Variants in BTBD9 observed in about 807,000 individuals in gnomAD.
The protein encoded by BTBD9 is BTB domain containing 9, also known as BTB/POZ domain-containing protein 9.
A neutral mutation model predicts 64.3 loss-of-function variants in BTBD9; 49 were observed. The ratio of observed to expected loss-of-function variants is 0.76; its 90% confidence interval spans 0.61 to 0.97. BTBD9 has a LOEUF of 0.97. Among genes scored for constraint, BTBD9 ranks in the 50% least tolerant of loss-of-function variants. The probability of loss-of-function intolerance (pLI) is 0.00; values close to 1 mark genes in which losing one functional copy is unlikely to be tolerated. For synonymous variants in BTBD9, 260 were observed against 274.7 expected (o/e 0.95, Z 0.53); for missense variants, 598 against 762.1 (o/e 0.78, Z 2.53).
intron 6 of BTBD9, among the ~76,000 whole-genome samples, chr6:38,428,381 C>T (rs557966296): frequency 2.6e-5 from 4 of 151,920 alleles, no homozygotes; most frequent in African/African-American, 9.7e-5. Flanking sequence ...AGCACTTGCT[C>T]TATTAATGCC....
chr6:38,546,020 G>A (rs1774540148), intron 6 of BTBD9, among the ~76,000 whole-genome samples: 1 of 152,100 alleles, frequency 6.6e-6, no homozygotes, highest in Admixed American at 6.5e-5. Flanking sequence ...GTAGTAGCTA[G>A]TGGATATGGT....
At chr6:38,399,836 C>G (rs1254670596) in intron 6 of BTBD9, among the ~76,000 whole-genome samples, 1 of 152,142 alleles carries the variant, frequency 6.6e-6, no homozygotes, top group Non-Finnish European at 1.5e-5. Flanking sequence ...ACCACAACCT[C>G]CGCCTCCCGG....
At chr6:38,542,320 C>G (rs1189786146) in intron 6 of BTBD9, among the ~76,000 whole-genome samples, 2 of 152,126 alleles carry the variant, frequency 1.3e-5, no homozygotes, top group African/African-American at 4.8e-5. Context: ...TTCCTGGTTT[C>G]TGTATCTCAG....
At chr6:38,632,057 G>T (rs1778383189) in intron 1 of BTBD9, among the ~76,000 whole-genome samples, 1 of 152,176 alleles carries the variant, frequency 6.6e-6, no homozygotes, top group African/African-American at 2.4e-5. Context: ...GAACCCAGGG[G>T]GCGGAGGTTG....
intron 6 of BTBD9, among the ~76,000 whole-genome samples, chr6:38,384,898 G>C (rs1005271603): frequency 1.3e-5 from 2 of 151,944 alleles, no homozygotes; most frequent in African/African-American, 4.8e-5. Context: ...TCCAGTGTTA[G>C]TGTAGGAATA....
chr6:38,279,257 T>G (rs961648237), intron 8 of BTBD9, among the ~76,000 whole-genome samples: 1 of 152,046 alleles, frequency 6.6e-6, no homozygotes, highest in Non-Finnish European at 1.5e-5. Flanking sequence ...TGGTTACCAA[T>G]GTAAGGGGCT....
At chr6:38,284,759 A>C (rs1172937543) in intron 8 of BTBD9, among the ~76,000 whole-genome samples, 1 of 152,226 alleles carries the variant, frequency 6.6e-6, no homozygotes, top group Non-Finnish European at 1.5e-5. Context: ...TCTATCAATA[A>C]GTTCAGGAGA....
intron 1 of BTBD9, among the ~76,000 whole-genome samples, chr6:38,618,181 C>T (rs889819118): frequency 6.6e-6 from 1 of 152,204 alleles, no homozygotes; most frequent in Non-Finnish European, 1.5e-5. Flanking sequence ...CCTTGAAATG[C>T]ATCCTAAGCC....
chr6:38,345,623 C>A (rs6917497), intron 6 of BTBD9, among the ~76,000 whole-genome samples: 4,110 of 152,294 alleles, frequency 0.027, 173 homozygotes, highest in African/African-American at 0.093. Context: ...TACTACTGCT[C>A]CTAAATCTTT....
At chr6:38,323,995 C>G (rs1238938512) in intron 7 of BTBD9, among the ~76,000 whole-genome samples, 5 of 151,994 alleles carry the variant, frequency 3.3e-5, no homozygotes. Flanking sequence ...CCCAGCTACT[C>G]AGAAGGCTGA....
rs569706275 is a variant in BTBD9 at position 38,418,328 on chromosome 6, T to C, written c.1155-73235A>G. Among the ~76,000 whole-genome samples, 74 of 152,334 alleles carry C rather than the reference T, an allele frequency of 4.9e-4. 1 individual carries two copies. The highest frequency in any genetic ancestry group is 4.2e-3 in the Admixed American group (65 of 15,298). ...GCCTAATTGTATGTAAGGCTATCCT[T>C]TCACAAATCAGACAGTCTGGACTTA... is the stretch of plus-strand genomic sequence containing the variant. On this transcript the variant is annotated intron_variant, in intron 6 of 10. Transcript: ENST00000481247.
chr6:38,397,343 A>T (rs976570269), intron 6 of BTBD9, among the ~76,000 whole-genome samples: 1 of 152,234 alleles, frequency 6.6e-6, no homozygotes, highest in Non-Finnish European at 1.5e-5. Flanking sequence ...AGTTATTGCA[A>T]TGGAGATGTA....
intron 6 of BTBD9, among the ~76,000 whole-genome samples, chr6:38,574,386 T>TTA: frequency 6.6e-6 from 1 of 152,272 alleles, no homozygotes; most frequent in African/African-American, 2.4e-5. Flanking sequence ...GTTGTTAAGA[T>TTA]AAAACTGTTT....
chr6:38,465,010 T>C (rs1017314932), intron 6 of BTBD9, among the ~76,000 whole-genome samples: 1 of 152,196 alleles, frequency 6.6e-6, no homozygotes, highest in Non-Finnish European at 1.5e-5. Flanking sequence ...TAGCTTTAAA[T>C]TCAATTTCTT....
rs1766666548 is a variant in BTBD9, at chr6:38,169,637, G to A, written c.*5348C>T. On this transcript the variant is annotated 3_prime_UTR_variant, in exon 11 of 11. Coordinates refer to ENST00000481247, the MANE Select transcript of BTBD9 (RefSeq NM_001099272.2). ...GAGCGACTGTCCACTGGCTTTCAAAGGCGGCACTCCTCAGCTGTCACAGCC... is the reference window on the plus strand; with the variant it reads ...GAGCGACTGTCCACTGGCTTTCAAAAGCGGCACTCCTCAGCTGTCACAGCC... 6.6e-6 allele frequency: 1 copy of A among 152,226 alleles called. No homozygotes were observed. Among genetic ancestry groups the A allele is most frequent in the Non-Finnish European group, 1.5e-5 (1 of 68,090 alleles). 9.4% of individuals were successfully genotyped at this position (152,226 alleles called of 1,614,324 possible).
At chr6:38,619,676 G>C (rs1057195582) in intron 1 of BTBD9, among the ~76,000 whole-genome samples, 1 of 152,086 alleles carries the variant, frequency 6.6e-6, no homozygotes, top group Non-Finnish European at 1.5e-5. Context: ...AATCATTGAG[G>C]GCCAGGAAAT....
intron 7 of BTBD9, among the ~76,000 whole-genome samples, chr6:38,324,348 T>A (rs144239891): frequency 6.6e-6 from 1 of 152,196 alleles, no homozygotes; most frequent in African/African-American, 2.4e-5. Flanking sequence ...TAATTACTTA[T>A]AGAAAACGTC....
chr6:38,580,466 T>A, intron 4 of BTBD9, 29 bp from the exon 5 acceptor site: 1 of 1,546,682 alleles, frequency 6.5e-7, no homozygotes. Context: ...AAAGCAAGGT[T>A]AATGATTACT....
chr6:38,175,061 A>G lies in BTBD9; in HGVS notation c.1763T>C (p.Leu588Pro). 12 of 1,614,236 alleles carry G rather than the reference A, an allele frequency of 7.4e-6. No homozygotes were observed. Among genetic ancestry groups the G allele is most frequent in the Non-Finnish European group, 9.3e-6 (11 of 1,180,058 alleles). Residue 588 changes from leucine (L) to proline (P), a missense_variant, in exon 11 of 11, where the codon CTG (leucine) becomes CCG (proline). Transcript: ENST00000481247. ...LAGQQLDSHA[L>P]RAPSGSSLPS... Reference sequence around the variant, plus strand: ...TAGTGAGCTGCCACTAGGCGCCCGCAGCGCATGGGAGTCGAGCTGCTGACC... The same window carrying G: ...TAGTGAGCTGCCACTAGGCGCCCGCGGCGCATGGGAGTCGAGCTGCTGACC...
Sources: gnomAD v4.1 joint callset for allele counts (sites outside exome capture counted in the v4.1 genomes callset) on GRCh38, gnomAD v4.1.1 for gene constraint, MANE v1.5 for transcripts, NCBI Gene and HGNC (gene_info 2026-07-23, HGNC 2026-07-21) for gene names.